Variants in PRKCB observed in about 807,000 individuals in gnomAD.
PRKCB encodes protein kinase C beta.
In PRKCB, 13 loss-of-function variants were observed where a neutral mutation model predicts 81.5. The ratio of observed to expected loss-of-function variants is 0.16; its 90% CI spans 0.10 to 0.25. PRKCB has a LOEUF of 0.25. Among genes scored for constraint, PRKCB ranks in the 10% least tolerant of loss-of-function variants. The pLI, the probability that PRKCB is intolerant of heterozygous loss-of-function variation, is 1.00. For synonymous variants in PRKCB, 335 were observed against 321.4 expected, an observed-to-expected ratio of 1.04 and a Z score of -0.45; for missense variants, 509 against 875.7, an observed-to-expected ratio of 0.58 and a Z score of 5.29.
chr16:24,011,217 A>T (rs1288268202), intron 3 of PRKCB, among the ~76,000 whole-genome samples: 2 of 152,262 alleles, frequency 1.3e-5, no homozygotes, highest in African/African-American at 4.8e-5. Context: ...GGACTGGGCC[A>T]GGTCGTCCTT....
At chr16:24,087,905 G>A (rs915864807) in intron 5 of PRKCB, among the ~76,000 whole-genome samples, 6 of 152,064 alleles carry the variant, frequency 3.9e-5, no homozygotes, top group South Asian at 4.2e-4. Flanking sequence ...CCATGCCCAC[G>A]GCAAGCAGTG....
At chr16:23,913,980 A>G (rs996509821) in intron 2 of PRKCB, among the ~76,000 whole-genome samples, 2 of 151,560 alleles carry the variant, frequency 1.3e-5, no homozygotes, top group African/African-American at 2.4e-5. Flanking sequence ...GCTCCCCAGT[A>G]TGTGAAAATA....
At chr16:24,022,425 G>A (rs1346546286) in intron 3 of PRKCB, among the ~76,000 whole-genome samples, 2 of 152,162 alleles carry the variant, frequency 1.3e-5, no homozygotes, top group Non-Finnish European at 2.9e-5. Flanking sequence ...AGAAATGAGT[G>A]TTCTGTGTTG....
At chr16:24,027,074 C>T (rs1457977241) in intron 3 of PRKCB, among the ~76,000 whole-genome samples, 2 of 152,038 alleles carry the variant, frequency 1.3e-5, no homozygotes, top group African/African-American at 2.4e-5. Context: ...TAGGTATACA[C>T]CTGCCATGGT....
chr16:23,853,088 G>A (rs1962500919), intron 2 of PRKCB, among the ~76,000 whole-genome samples: 1 of 152,146 alleles, frequency 6.6e-6, no homozygotes, highest in Non-Finnish European at 1.5e-5. Context: ...AGGAAGCCAG[G>A]GCATTCTGAC....
chr16:24,172,495 G>A (rs1967458531), intron 11 of PRKCB, 134 bp downstream of exon 11: 2 of 690,286 alleles, frequency 2.9e-6, no homozygotes, highest in South Asian at 1.8e-5. Flanking sequence ...TTTAGCCAGG[G>A]AAGAAAGGTG....
chr16:24,031,943 C>T (rs1965555606), intron 3 of PRKCB, 193 bp from the exon 4 acceptor site: 3 of 495,776 alleles, frequency 6.1e-6, no homozygotes, highest in South Asian at 2.8e-5. Context: ...TGTCTTTGTC[C>T]TTCATTCCTT....
chr16:23,956,463 G>A (rs868677838), intron 2 of PRKCB, among the ~76,000 whole-genome samples: 4 of 152,206 alleles, frequency 2.6e-5, no homozygotes, highest in African/African-American at 4.8e-5. Flanking sequence ...TAAAACATTA[G>A]CAATAGGCAT....
intron 2 of PRKCB, among the ~76,000 whole-genome samples, chr16:23,880,207 T>TGACTCACTCA (rs1170498826): frequency 1.3e-5 from 2 of 152,162 alleles, no homozygotes; most frequent in African/African-American, 4.8e-5. Flanking sequence ...GACTCACCTC[T>TGACTCACTCA]TGTGCTCACA....
intron 2 of PRKCB, among the ~76,000 whole-genome samples, chr16:23,853,353 G>T (rs954961213): frequency 2.0e-5 from 3 of 152,104 alleles, no homozygotes; most frequent in Non-Finnish European, 4.4e-5. Context: ...CTCCCCATTG[G>T]GCCAGTGGAA....
chr16:24,193,849 C>T (rs527811347), intron 16 of PRKCB, among the ~76,000 whole-genome samples: 6 of 152,260 alleles, frequency 3.9e-5, no homozygotes, highest in African/African-American at 1.2e-4. Flanking sequence ...TGGCCTGCCC[C>T]GCAGGATGCA....
rs1211090636 is a variant in PRKCB at position 24,110,510 on chromosome 16, C to CTT, written c.822-2442_822-2441dup. The stretch of plus-strand genomic sequence containing the variant: ...ACAGGCATAAGCCACCATGCCCAAC[C>CTT]TTTTTTTTTTTTTTTTTTTTTTGAG... On this transcript the variant is annotated intron_variant, in intron 7 of 16. Transcript: ENST00000643927. 5.1e-3 allele frequency among the ~76,000 whole-genome samples: 561 copies of CTT among 111,064 alleles called. 23 individuals carry two copies. The highest frequency in any genetic ancestry group is 0.015 in the African/African-American group (337 of 22,316). 72.9% of individuals were successfully genotyped at this position (111,064 alleles called of 152,430 possible). A position where few individuals can be genotyped will look rare whatever the true frequency, so the allele number is the denominator to read the frequency against.
intron 2 of PRKCB, among the ~76,000 whole-genome samples, chr16:23,921,777 ACT>A (rs1337366596): frequency 6.6e-6 from 1 of 152,036 alleles, no homozygotes; most frequent in African/African-American, 2.4e-5. Context: ...CTCCAGCAAG[ACT>A]CTGTCAAAAA....
At chr16:23,978,491 A>AAACC (rs1485752871) in intron 2 of PRKCB, among the ~76,000 whole-genome samples, 1 of 152,252 alleles carries the variant, frequency 6.6e-6, no homozygotes, top group Non-Finnish European at 1.5e-5. Flanking sequence ...GCTGGCTGGA[A>AAACC]AACCAAGCTC....
Position 24,063,065 on chromosome 16 carries a change from C to G in PRKCB, c.529+27518C>G, listed in dbSNP as rs1311802657. Reference sequence around the variant, plus strand: ...TGTGTGTCCAGCAGTATCAGAAGGCCCCTTCTCTGTGTCTCCAGATTTCAC... The same window carrying G: ...TGTGTGTCCAGCAGTATCAGAAGGCGCCTTCTCTGTGTCTCCAGATTTCAC... On this transcript the variant is annotated intron_variant, in intron 5 of 16. Transcript: ENST00000643927. Among the ~76,000 whole-genome samples, 6 of 152,038 alleles carry G rather than the reference C, an allele frequency of 3.9e-5. No individual in the cohort carries two copies. The East Asian group carries it at 1.2e-3, about 30-fold the overall frequency.
intron 2 of PRKCB, among the ~76,000 whole-genome samples, chr16:23,939,045 A>G (rs1275368855): frequency 6.6e-6 from 1 of 152,254 alleles, no homozygotes; most frequent in Non-Finnish European, 1.5e-5. Flanking sequence ...GTTGCCAGAT[A>G]CAGGGGAAAC....
At chr16:23,987,401 T>TGGGGGGG (rs35320865) in intron 2 of PRKCB, among the ~76,000 whole-genome samples, 1 of 127,004 alleles carries the variant, frequency 7.9e-6, no homozygotes, top group Non-Finnish European at 1.7e-5. Context: ...TTGGTTGGGG[T>TGGGGGGG]GGGGGGGGGT....
chr16:23,929,092 G>A (rs1963936877), intron 2 of PRKCB, among the ~76,000 whole-genome samples: 1 of 152,026 alleles, frequency 6.6e-6, no homozygotes, highest in East Asian at 1.9e-4. Flanking sequence ...ATGGGGAAGG[G>A]CAGACTGGCT....
intron 2 of PRKCB, among the ~76,000 whole-genome samples, chr16:23,931,843 G>A (rs907051681): frequency 3.9e-5 from 6 of 152,064 alleles, no homozygotes; most frequent in Non-Finnish European, 7.4e-5. Context: ...TCAATTCTTG[G>A]CTAATCCTCT....
Sources: allele counts gnomAD v4.1 joint callset (sites outside exome capture counted in the v4.1 genomes callset), GRCh38; gene constraint gnomAD v4.1.1; transcripts MANE v1.5; gene names NCBI Gene and HGNC (gene_info 2026-07-23, HGNC 2026-07-21).